Variants in TIMM17A observed in about 807,000 individuals in gnomAD.
TIMM17A encodes the protein translocase of inner mitochondrial membrane 17A, also known as mitochondrial import inner membrane translocase subunit Tim17-A.
In TIMM17A, 15 loss-of-function variants were observed where a neutral mutation model predicts 26.5. The observed-to-expected ratio is 0.57, with a 90% CI of 0.38 to 0.87. TIMM17A has a LOEUF of 0.87. Among genes scored for constraint, TIMM17A ranks in the 40% least tolerant of loss-of-function variants. TIMM17A has a pLI of 0.00. For synonymous variants in TIMM17A, 80 were observed against 70.8 expected (o/e 1.13, Z -0.66); for missense variants, 201 against 210.0 (o/e 0.96, Z 0.27).
At chr1:201,967,533 T>TATTTATTTATTTATTTA (rs1450368944) in intron 5 of TIMM17A, among the ~76,000 whole-genome samples, 7 of 148,420 alleles carry the variant, frequency 4.7e-5, no homozygotes, top group African/African-American at 1.7e-4. Context: ...TTATTTATTT[T>TATTTATTTATTTATTTA]ATTTATTTAT....
chr1:201,963,705 A>C lies in TIMM17A; in HGVS notation c.280A>C (p.Thr94Pro), dbSNP rs2102944286. Residue 94 changes from threonine to proline, a missense_variant, in exon 4 of 6, where the codon ACA becomes CCA. Physicochemically the swap from Thr to Pro is conservative, Grantham distance 38. Coordinates refer to ENST00000367287, the MANE Select transcript of TIMM17A (RefSeq NM_006335.3). ...AAAGGAAGATCCCTGGAACTCCATCACAAGTGGTGCCTTAACGGGAGCCAT... is the reference window on the plus strand; with the variant it reads ...AAAGGAAGATCCCTGGAACTCCATCCCAAGTGGTGCCTTAACGGGAGCCAT... The part of the protein sequence containing the change: ...RGKEDPWNSI[T>P]SGALTGAILA... 1 of 1,611,872 alleles carries C rather than the reference A, an allele frequency of 6.2e-7. No individual in the cohort carries two copies. Among genetic ancestry groups the C allele is most frequent in the Non-Finnish European group, 8.5e-7 (1 of 1,179,510 alleles).
At chr1:201,957,408 C>G in intron 2 of TIMM17A, 28 bp downstream of exon 2, 2 of 1,596,050 alleles carry the variant, frequency 1.3e-6, no homozygotes, top group South Asian at 2.2e-5. Context: ...CTTATTTTAT[C>G]ATCACTTGCA....
At chr1:201,962,083 G>C (rs986536010) in intron 3 of TIMM17A, 2 of 151,964 alleles carry the variant, frequency 1.3e-5, no homozygotes, top group African/African-American at 4.8e-5. Context: ...ATTCTCATTA[G>C]TAGCCAACAC....
At chr1:201,959,122 A>C (rs958477517) in intron 3 of TIMM17A, among the ~76,000 whole-genome samples, 4 of 152,148 alleles carry the variant, frequency 2.6e-5, no homozygotes, top group Admixed American at 6.5e-5. Flanking sequence ...TGCTTCTATC[A>C]CCTTACGCAT....
chr1:201,964,647 T>TA (rs1558251183), intron 4 of TIMM17A, among the ~76,000 whole-genome samples: 1 of 123,132 alleles, frequency 8.1e-6, no homozygotes, highest in Non-Finnish European at 1.7e-5. Context: ...TTTTTTTTTT[T>TA]TTTTTTTTTT....
chr1:201,965,564 C>A, intron 5 of TIMM17A, 21 bp downstream of exon 5: 1 of 1,436,018 alleles, frequency 7.0e-7, no homozygotes, highest in Non-Finnish European at 9.8e-7. Flanking sequence ...TTGCTTAAAA[C>A]TATAGCTCAA....
At chr1:201,956,699 C>T (rs1055633307) in intron 1 of TIMM17A, among the ~76,000 whole-genome samples, 4 of 152,164 alleles carry the variant, frequency 2.6e-5, no homozygotes, top group African/African-American at 2.4e-5. Context: ...TGGTGGCTCA[C>T]GCCTGTAATC....
Position 201,966,991 on chromosome 1 carries a change from T to TTA in TIMM17A, c.430+1449_430+1450insAT, listed in dbSNP as rs572223784. Among the ~76,000 whole-genome samples, 307 of 133,096 alleles carry TTA rather than the reference T, an allele frequency of 2.3e-3. 2 individuals carry two copies. The highest frequency in any genetic ancestry group is 7.0e-3 in the African/African-American group (250 of 35,848). 87.3% of individuals were successfully genotyped at this position (133,096 alleles called of 152,430 possible). A position where few individuals can be genotyped will look rare whatever the true frequency, so the allele number is the denominator to read the frequency against. On this transcript the variant is annotated intron_variant, in intron 5 of 5. Coordinates refer to ENST00000367287, the MANE Select transcript of TIMM17A (RefSeq NM_006335.3). ...TTATATATGTTGTATATTATATATG[T>TTA]TGTGTGTGTGTGTGTGTGTGTGTGT...
chr1:201,963,513 T>G (rs750836559), intron 3 of TIMM17A, 103 bp from the exon 4 acceptor site: 146 of 1,204,446 alleles, frequency 1.2e-4, no homozygotes, highest in Non-Finnish European at 1.6e-4. Flanking sequence ...TTGTTTGGAC[T>G]ATAAATTTTG....
intron 1 of TIMM17A, 35 bp downstream of exon 1, chr1:201,955,587 C>T (rs1174384774): frequency 6.2e-7 from 1 of 1,614,136 alleles, no homozygotes; most frequent in Non-Finnish European, 8.5e-7. Flanking sequence ...TTTCTCTTGC[C>T]CCCCTGCCCA....
At chr1:201,960,986 G>T (rs917824010) in intron 3 of TIMM17A, among the ~76,000 whole-genome samples, 6 of 151,952 alleles carry the variant, frequency 3.9e-5, no homozygotes, top group Non-Finnish European at 7.4e-5. Flanking sequence ...CCTACCTCAG[G>T]TGATCCGCCT....
chr1:201,963,533 T>G, intron 3 of TIMM17A, 83 bp from the exon 4 acceptor site: 1 of 1,430,942 alleles, frequency 7.0e-7, no homozygotes, highest in East Asian at 2.4e-5. Context: ...GAGACTATAG[T>G]GAGTATGTTT....
At chr1:201,963,584 G>A (rs1376791656) in intron 3 of TIMM17A, 32 bp from the exon 4 acceptor site, 2 of 1,585,174 alleles carry the variant, frequency 1.3e-6, no homozygotes, top group South Asian at 1.2e-5. Context: ...ATTTAAATTA[G>A]TATTTGCTTG....
chr1:201,957,546 T>C lies in TIMM17A; in HGVS notation c.162T>C (p.Ala54=), dbSNP rs1398816272. ...VNHRLRGSLT[A]IKTRAPQLGG... ...ACAGACTACGAGGGAGTTTGACAGC[T>C]ATTAAAACCAGGGCTCCACAGTTAG... Residue 54 remains alanine, a synonymous_variant, in exon 3 of 6, where the codon GCT becomes GCC. Transcript: ENST00000367287. The C allele has an allele frequency of 1.9e-6, 3 of 1,613,750 alleles. No individual in the cohort carries two copies. Among genetic ancestry groups the C allele is most frequent in the Non-Finnish European group, 2.5e-6 (3 of 1,179,996 alleles).
chr1:201,957,326 T>A lies in TIMM17A; in HGVS notation c.72T>A (p.Gly24=). 2 of 1,614,110 alleles carry A rather than the reference T, an allele frequency of 1.2e-6. No individual in the cohort carries two copies. Among genetic ancestry groups the A allele is most frequent in the Non-Finnish European group, 1.7e-6 (2 of 1,179,964 alleles). Residue 24 remains glycine (G), a synonymous_variant, in exon 2 of 6, where the codon GGT becomes GGA. Coordinates refer to ENST00000367287, the MANE Select transcript of TIMM17A (RefSeq NM_006335.3). ...ACTGTGGTGGGGCCTTTACGATGGG[T>A]ACCATTGGTGGTGGTATCTTTCAAG... ...VDDCGGAFTM[G]TIGGGIFQAI...
chr1:201,956,812 C>T (rs1053939927), intron 1 of TIMM17A, among the ~76,000 whole-genome samples: 1 of 152,024 alleles, frequency 6.6e-6, no homozygotes, highest in Non-Finnish European at 1.5e-5. Flanking sequence ...AAATATTAGC[C>T]GGGCGTGGTG....
At chr1:201,961,489 A>G (rs1364071178) in intron 3 of TIMM17A, among the ~76,000 whole-genome samples, 6 of 152,152 alleles carry the variant, frequency 3.9e-5, no homozygotes, top group African/African-American at 1.4e-4. Flanking sequence ...TTCATGCCCT[A>G]GCTGTGGGCA....
In TIMM17A at chr1:201,965,529, C is replaced by A. The variant is rs1326174792; in HGVS notation, c.416C>A (p.Ala139Glu). Residue 139 changes from alanine to glutamate, a missense_variant, in exon 5 of 6, where the codon GCA becomes GAA. Ala to Glu is a moderately radical substitution (Grantham distance 107, BLOSUM62 -1). Coordinates refer to ENST00000367287, the MANE Select transcript of TIMM17A (RefSeq NM_006335.3). Reference sequence around the variant, plus strand: ...ATCTTGTTGACAAGATTTGCCTCTGCACAGTTTCCCAATGGTGAGTCTTTT... The same window carrying A: ...ATCTTGTTGACAAGATTTGCCTCTGAACAGTTTCCCAATGGTGAGTCTTTT... ...AGILLTRFAS[A>E]QFPNGPQFAE... 1 of 1,609,606 alleles carries A rather than the reference C, an allele frequency of 6.2e-7. No individual in the cohort carries two copies. The highest frequency in any genetic ancestry group is 1.3e-5 in the African/African-American group (1 of 74,848).
chr1:201,967,443 A>G (rs1015231327), intron 5 of TIMM17A, among the ~76,000 whole-genome samples: 4 of 152,106 alleles, frequency 2.6e-5, no homozygotes, highest in African/African-American at 9.7e-5. Flanking sequence ...AGTTAACTTA[A>G]ATAGTTACAT....
Sources: allele counts gnomAD v4.1 joint callset (sites outside exome capture counted in the v4.1 genomes callset), GRCh38; gene constraint gnomAD v4.1.1; transcripts MANE v1.5; gene names NCBI Gene and HGNC (gene_info 2026-07-23, HGNC 2026-07-21).